TMEM132D: variants seen among roughly 807,000 people sequenced by gnomAD.
The protein encoded by TMEM132D is mature OL transmembrane protein.
In TMEM132D, 21 loss-of-function variants were observed where a neutral mutation model predicts 62.3. That is an observed-to-expected ratio of 0.34 (90% CI 0.24 to 0.49). TMEM132D has a LOEUF of 0.49. TMEM132D is among the 20% of genes least tolerant of loss of function. The pLI is 0.99. For missense variants in TMEM132D, 1,346 were observed against 1,402.8 expected (o/e 0.96, Z 0.65); for synonymous variants, 621 against 575.6 (o/e 1.08, Z -1.13).
At chr12:129,878,720 G>A (rs1566017469) in intron 1 of TMEM132D, among the ~76,000 whole-genome samples, 1 of 152,096 alleles carries the variant, frequency 6.6e-6, no homozygotes, top group East Asian at 1.9e-4. Context: ...GGGATTACAG[G>A]CACCTGCCCA....
At chr12:129,543,192 TG>T (rs1876631442) in intron 2 of TMEM132D, among the ~76,000 whole-genome samples, 1 of 124,036 alleles carries the variant, frequency 8.1e-6, no homozygotes, top group Non-Finnish European at 1.7e-5. Flanking sequence ...GATGGATGGA[TG>T]AGTTGATGAG....
intron 2 of TMEM132D, among the ~76,000 whole-genome samples, chr12:129,639,399 A>AG (rs1879584899): frequency 6.6e-6 from 1 of 151,258 alleles, no homozygotes; most frequent in Non-Finnish European, 1.5e-5. Context: ...AAAAAAAAAA[A>AG]AAAAAAAGTC....
chr12:129,684,537 C>T (rs1880860414), intron 2 of TMEM132D, among the ~76,000 whole-genome samples: 1 of 151,468 alleles, frequency 6.6e-6, no homozygotes, highest in Admixed American at 6.6e-5. Flanking sequence ...ATAGAATAAA[C>T]TGGCACCACA....
chr12:129,522,754 TAAA>T lies in TMEM132D; in HGVS notation c.1115+8302_1115+8304del, dbSNP rs1027482852. 4.7e-3 allele frequency: 44 copies of T among 9,320 alleles called. No homozygotes were observed. The Admixed American group carries it at 0.063, about 13-fold the overall frequency. The allele number at this position is 9,320 out of a possible 1,614,324, so 0.6% of individuals were successfully genotyped here. A position where few individuals can be genotyped will look rare whatever the true frequency, so the allele number is the denominator to read the frequency against. ...GCAAATGTTCATGATCCTTAACAAA[TAAA>T]AAAATACTTTAGATTTTACGGTGTG... On this transcript the variant is annotated intron_variant, in intron 3 of 8. Coordinates refer to ENST00000422113, the MANE Select transcript of TMEM132D (RefSeq NM_133448.3).
intron 4 of TMEM132D, among the ~76,000 whole-genome samples, chr12:129,244,805 TA>T (rs1880049340): frequency 6.6e-6 from 1 of 152,044 alleles, no homozygotes; most frequent in African/African-American, 2.4e-5. Flanking sequence ...CACACCTGAC[TA>T]ATTTTTGTAT....
intron 4 of TMEM132D, among the ~76,000 whole-genome samples, chr12:129,255,895 C>T (rs1880387639): frequency 6.6e-6 from 1 of 152,192 alleles, no homozygotes. Context: ...TATTCAAGAA[C>T]CAATTGCTAT....
intron 1 of TMEM132D, among the ~76,000 whole-genome samples, chr12:129,808,730 T>C (rs988755291): frequency 2.0e-5 from 3 of 151,316 alleles, no homozygotes; most frequent in African/African-American, 7.3e-5. Context: ...TGATAGGTCA[T>C]AGGAAGGAAG....
intron 5 of TMEM132D, among the ~76,000 whole-genome samples, chr12:129,184,262 C>T (rs1234591497): frequency 6.6e-6 from 1 of 152,180 alleles, no homozygotes; most frequent in Non-Finnish European, 1.5e-5. Context: ...CATGCTCTCA[C>T]TGTCAGAATT....
chr12:129,269,124 C>T (rs973165117), intron 4 of TMEM132D, among the ~76,000 whole-genome samples: 8 of 152,002 alleles, frequency 5.3e-5, no homozygotes, highest in Admixed American at 3.9e-4. Flanking sequence ...ACATATGTAA[C>T]AGACCTGCAC....
In TMEM132D at chr12:129,270,966, T is replaced by C. The variant is rs1014794479; in HGVS notation, c.1300-61303A>G. Among the ~76,000 whole-genome samples, 6 of 152,378 alleles carry C rather than the reference T, an allele frequency of 3.9e-5. No individual in the cohort carries two copies. The South Asian group carries it at 1.2e-3, about 32-fold the overall frequency. ...TCTTGCTTTCTGATGGGCAGGAATG[T>C]TCCTGCCACCTGTGGTTGCACCCTG... On this transcript the variant is annotated intron_variant, in intron 4 of 8. Transcript: ENST00000422113.
At chr12:129,664,529 A>G (rs1880325966) in intron 2 of TMEM132D, among the ~76,000 whole-genome samples, 1 of 146,266 alleles carries the variant, frequency 6.8e-6, no homozygotes, top group Admixed American at 7.2e-5. Context: ...GGTTCACACC[A>G]TTCTCCTGCC....
intron 2 of TMEM132D, among the ~76,000 whole-genome samples, chr12:129,647,564 G>A (rs748321449): frequency 2.0e-5 from 3 of 152,108 alleles, no homozygotes; most frequent in Middle Eastern, 3.2e-3. Context: ...ACACTGCCAC[G>A]TGCAGAGTAG....
chr12:129,356,588 C>T (rs994596426), intron 3 of TMEM132D, among the ~76,000 whole-genome samples: 5 of 150,804 alleles, frequency 3.3e-5, no homozygotes, highest in East Asian at 2.0e-4. Flanking sequence ...GAGGCCTAGG[C>T]GGGAGGGCTG....
At chr12:129,408,669 C>G (rs998416409) in intron 3 of TMEM132D, among the ~76,000 whole-genome samples, 7 of 151,504 alleles carry the variant, frequency 4.6e-5, no homozygotes, top group African/African-American at 1.7e-4. Flanking sequence ...ATTTCTGGGT[C>G]ACGAACCTAT....
intron 3 of TMEM132D, among the ~76,000 whole-genome samples, chr12:129,405,115 T>C (rs1201221379): frequency 6.6e-6 from 1 of 152,204 alleles, no homozygotes; most frequent in Admixed American, 6.5e-5. Context: ...TATAACAAAA[T>C]ACCAGAGGCT....
At chr12:129,498,264 T>C (rs910386009) in intron 3 of TMEM132D, among the ~76,000 whole-genome samples, 7 of 152,246 alleles carry the variant, frequency 4.6e-5, no homozygotes, top group African/African-American at 1.7e-4. Context: ...ATTTGTTTGT[T>C]TGTTTTTGAG....
intron 5 of TMEM132D, among the ~76,000 whole-genome samples, chr12:129,148,981 C>T (rs1876995579): frequency 6.6e-6 from 1 of 152,024 alleles, no homozygotes; most frequent in African/African-American, 2.4e-5. Context: ...TCAGCTTTGA[C>T]AAAAAGGGAC....
At chr12:129,785,032 C>T (rs12580073) in intron 1 of TMEM132D, among the ~76,000 whole-genome samples, 21,027 of 152,114 alleles carry the variant, frequency 0.14, 1,665 homozygotes, top group East Asian at 0.38. Flanking sequence ...CGTTTATTTT[C>T]GTTGCCATCG....
chr12:129,288,849 G>A (rs1329236040), intron 4 of TMEM132D, among the ~76,000 whole-genome samples: 2 of 152,212 alleles, frequency 1.3e-5, no homozygotes, highest in Non-Finnish European at 2.9e-5. Flanking sequence ...CAGTGAATGA[G>A]TAGATGAAGA....
Sources: gnomAD v4.1 joint callset for allele counts (sites outside exome capture counted in the v4.1 genomes callset) on GRCh38, gnomAD v4.1.1 for gene constraint, MANE v1.5 for transcripts, NCBI Gene and HGNC (gene_info 2026-07-23, HGNC 2026-07-21) for gene names.